GALNT17: variants seen among roughly 807,000 people sequenced by gnomAD.
GALNT17 encodes polypeptide N-acetylgalactosaminyltransferase 17.
A neutral mutation model predicts 63.7 loss-of-function variants in GALNT17; 29 were observed. The ratio of observed to expected loss-of-function variants is 0.46; its 90% CI spans 0.34 to 0.62. The LOEUF is 0.62. Among genes scored for constraint, GALNT17 ranks in the 20% least tolerant of loss-of-function variants. GALNT17 has a pLI of 0.01. For missense variants in GALNT17, 603 were observed against 799.6 expected (o/e 0.75, Z 2.97); for synonymous variants, 305 against 318.3 (o/e 0.96, Z 0.45).
At chr7:71,577,994 G>A (rs1229316194) in intron 6 of GALNT17, among the ~76,000 whole-genome samples, 1 of 148,944 alleles carries the variant, frequency 6.7e-6, no homozygotes, top group East Asian at 2.0e-4. Flanking sequence ...TCCTTCGGAG[G>A]GGTTGTTTAC....
At chr7:71,198,915 T>C (rs1037499778) in intron 1 of GALNT17, among the ~76,000 whole-genome samples, 2 of 152,240 alleles carry the variant, frequency 1.3e-5, no homozygotes, top group African/African-American at 4.8e-5. Flanking sequence ...GGAGAGCTTG[T>C]TGAAACATGA....
intron 1 of GALNT17, among the ~76,000 whole-genome samples, chr7:71,219,194 G>A (rs1342145798): frequency 1.3e-5 from 2 of 152,138 alleles, no homozygotes; most frequent in East Asian, 1.9e-4. Context: ...GCATAGAGAG[G>A]TTAAATAACT....
At chr7:71,358,470 C>G (rs1056030098) in intron 2 of GALNT17, among the ~76,000 whole-genome samples, 2 of 152,204 alleles carry the variant, frequency 1.3e-5, no homozygotes, top group Non-Finnish European at 2.9e-5. Flanking sequence ...TCCATATTTT[C>G]ACACTTAAGC....
At chr7:71,704,160 A>G (rs1791691603) in intron 9 of GALNT17, among the ~76,000 whole-genome samples, 1 of 152,184 alleles carries the variant, frequency 6.6e-6, no homozygotes, top group South Asian at 2.1e-4. Context: ...GTTCAGAGTG[A>G]CCATGAGGTA....
At chr7:71,642,718 C>G (rs549269260) in intron 6 of GALNT17, among the ~76,000 whole-genome samples, 84 of 152,122 alleles carry the variant, frequency 5.5e-4, no homozygotes, top group Non-Finnish European at 9.6e-4. Flanking sequence ...ACCTGTAATC[C>G]CAGCTACTGG....
intron 8 of GALNT17, among the ~76,000 whole-genome samples, chr7:71,673,271 A>AT (rs1048427017): frequency 4.0e-5 from 6 of 151,880 alleles, no homozygotes; most frequent in African/African-American, 1.2e-4. Context: ...TTTTGAGGAA[A>AT]TTTTTTTTTA....
chr7:71,377,123 AT>A (rs1434297468), intron 2 of GALNT17, among the ~76,000 whole-genome samples: 2 of 98,472 alleles, frequency 2.0e-5, no homozygotes, highest in African/African-American at 3.7e-5. Flanking sequence ...AAATATATAT[AT>A]ATATATATAT....
chr7:71,501,554 C>T (rs1003208535), intron 5 of GALNT17, among the ~76,000 whole-genome samples: 5 of 152,130 alleles, frequency 3.3e-5, no homozygotes, highest in African/African-American at 1.2e-4. Context: ...AGGTGTGCAC[C>T]ATCATGGCTT....
chr7:71,255,009 C>T (rs1046498006), intron 1 of GALNT17, among the ~76,000 whole-genome samples: 6 of 152,188 alleles, frequency 3.9e-5, no homozygotes, highest in Non-Finnish European at 8.8e-5. Flanking sequence ...CTGTGAGAGG[C>T]GATGTCAGGG....
intron 5 of GALNT17, among the ~76,000 whole-genome samples, chr7:71,448,954 G>A (rs1787207888): frequency 6.6e-6 from 1 of 151,894 alleles, no homozygotes; most frequent in Non-Finnish European, 1.5e-5. Context: ...CTAGGACACT[G>A]GTTATCTTCT....
At chr7:71,698,375 A>G (rs1241825628) in intron 9 of GALNT17, among the ~76,000 whole-genome samples, 1 of 152,198 alleles carries the variant, frequency 6.6e-6, no homozygotes, top group Admixed American at 6.5e-5. Flanking sequence ...ATCTATGCAA[A>G]CATTTATTGC....
rs1217685046 is a variant in GALNT17 at position 71,517,175 on chromosome 7, G to A, written c.963-54110G>A. Among the ~76,000 whole-genome samples the A allele has an allele frequency of 2.6e-5, 4 of 152,152 alleles. No individual in the cohort carries two copies. The East Asian group carries it at 7.7e-4, about 29-fold the overall frequency. On this transcript the variant is annotated intron_variant, in intron 5 of 10. Transcript: ENST00000333538. Reference sequence around the variant, plus strand: ...CAGTTCTGAGGCTGGGACATTCAAGGTCAGGGCACCAGCATGGTCATTTTC... The same window carrying A: ...CAGTTCTGAGGCTGGGACATTCAAGATCAGGGCACCAGCATGGTCATTTTC...
At chr7:71,677,396 T>C in intron 9 of GALNT17, 90 bp downstream of exon 9, 1 of 1,266,820 alleles carries the variant, frequency 7.9e-7, no homozygotes, top group Non-Finnish European at 1.1e-6. Flanking sequence ...ACTTTGTTGC[T>C]GTCTACCTTG....
At chr7:71,450,560 T>G (rs1583964643) in intron 5 of GALNT17, among the ~76,000 whole-genome samples, 1 of 152,200 alleles carries the variant, frequency 6.6e-6, no homozygotes, top group East Asian at 1.9e-4. Context: ...TTTTAAACAT[T>G]TAAAGTGTAT....
At chr7:71,693,249 TACACAC>T (rs201316633) in intron 9 of GALNT17, among the ~76,000 whole-genome samples, 3 of 124,350 alleles carry the variant, frequency 2.4e-5, no homozygotes, top group Admixed American at 9.0e-5. Flanking sequence ...CACATATATA[TACACAC>T]ACACACATAC....
At chr7:71,442,418 C>A (rs751864540) in intron 5 of GALNT17, among the ~76,000 whole-genome samples, 1 of 152,106 alleles carries the variant, frequency 6.6e-6, no homozygotes, top group Non-Finnish European at 1.5e-5. Flanking sequence ...CCAGGATGGT[C>A]TCAATCTCCT....
intron 1 of GALNT17, among the ~76,000 whole-genome samples, chr7:71,197,596 C>T (rs953774599): frequency 3.9e-5 from 6 of 151,944 alleles, no homozygotes; most frequent in African/African-American, 1.5e-4. Context: ...TCCACTCCCC[C>T]ACTCCCCTTC....
intron 1 of GALNT17, among the ~76,000 whole-genome samples, chr7:71,280,358 C>T (rs1790758518): frequency 6.6e-6 from 1 of 152,160 alleles, no homozygotes; most frequent in African/African-American, 2.4e-5. Context: ...TAAGGAGCTT[C>T]CTCTGTGGTC....
intron 5 of GALNT17, among the ~76,000 whole-genome samples, chr7:71,444,119 G>A (rs1787118130): frequency 6.6e-6 from 1 of 152,322 alleles, no homozygotes; most frequent in South Asian, 2.1e-4. Flanking sequence ...TCCTTGCCCT[G>A]CTGGCATTCC....
Sources: allele counts gnomAD v4.1 joint callset (sites outside exome capture counted in the v4.1 genomes callset), GRCh38; gene constraint gnomAD v4.1.1; transcripts MANE v1.5; gene names NCBI Gene and HGNC (gene_info 2026-07-23, HGNC 2026-07-21).